NUP98: variants seen among roughly 807,000 people sequenced by gnomAD.
NUP98 encodes the protein nuclear pore complex protein Nup98-Nup96.
A neutral mutation model predicts 191.9 loss-of-function variants in NUP98; 26 were observed. That is an observed-to-expected ratio of 0.14 (90% CI 0.10 to 0.19). NUP98 has a LOEUF of 0.19. NUP98 is among the 10% of genes least tolerant of loss of function. The pLI, the probability that NUP98 is intolerant of heterozygous loss-of-function variation, is 1.00. For missense variants in NUP98, 1,941 were observed against 2,178.8 expected, an observed-to-expected ratio of 0.89 and a Z score of 2.17; for synonymous variants, 808 against 778.4, an observed-to-expected ratio of 1.04 and a Z score of -0.63.
intron 18 of NUP98, among the ~76,000 whole-genome samples, chr11:3,718,591 GA>G (rs1264601300): frequency 6.6e-6 from 1 of 152,052 alleles, no homozygotes; most frequent in Non-Finnish European, 1.5e-5. Flanking sequence ...AAAAGAAGCG[GA>G]AGGGGAAAGG....
intron 20 of NUP98, among the ~76,000 whole-genome samples, chr11:3,707,661 G>C (rs1429382694): frequency 3.4e-5 from 5 of 146,212 alleles, no homozygotes; most frequent in Non-Finnish European, 5.9e-5. Context: ...CCAGCTACTC[G>C]GGAGGCAATG....
chr11:3,787,973 G>A (rs1485282341), intron 1 of NUP98, among the ~76,000 whole-genome samples: 11 of 151,932 alleles, frequency 7.2e-5, no homozygotes, highest in Admixed American at 2.0e-4. Flanking sequence ...GCCTGGCGAC[G>A]GAGCCAGAGT....
In NUP98 at chr11:3,792,399, C is replaced by G. The variant is rs563172097; in HGVS notation, c.-29+5001G>C. Among the ~76,000 whole-genome samples the G allele has an allele frequency of 6.5e-4, 99 of 152,152 alleles. 2 individuals carry two copies. The South Asian group carries it at 0.02, about 30-fold the overall frequency. ...CCGAGACGGGAAGATCACTTGATGT[C>G]AGGAGTTCCAGACCAGCCATGGTCA... is the stretch of plus-strand genomic sequence containing the variant. On this transcript the variant is annotated intron_variant, in intron 1 of 32. Coordinates refer to ENST00000324932, the MANE Select transcript of NUP98 (RefSeq NM_016320.5).
At chr11:3,770,083 G>A (rs537841827) in intron 7 of NUP98, among the ~76,000 whole-genome samples, 47 of 150,120 alleles carry the variant, frequency 3.1e-4, no homozygotes, top group African/African-American at 9.6e-4. Context: ...CATGGCTCAC[G>A]CCTATAATCC....
chr11:3,760,748 TAAAAAAGGTAG>T (rs1461551129), intron 9 of NUP98, 122 bp from the exon 10 acceptor site: 9 of 653,732 alleles, frequency 1.4e-5, no homozygotes, highest in African/African-American at 9.1e-5. Context: ...CTAACATTCA[TAAAAAAGGTAG>T]AAAAAAGATG....
At chr11:3,786,073 T>C (rs1441464318) in intron 1 of NUP98, among the ~76,000 whole-genome samples, 2 of 152,190 alleles carry the variant, frequency 1.3e-5, no homozygotes, top group Admixed American at 6.5e-5. Flanking sequence ...TCCAACGATG[T>C]AGGTATTTTT....
intron 16 of NUP98, 27 bp from the exon 17 acceptor site, chr11:3,720,852 G>GA (rs762750507): frequency 2.6e-3 from 1,563 of 597,534 alleles, no homozygotes; most frequent in Middle Eastern, 3.6e-3. Context: ...AAAAAAAACA[G>GA]AAAAAAAAAT....
chr11:3,712,912 C>T (rs529341543), intron 19 of NUP98, among the ~76,000 whole-genome samples, 184 bp from the exon 20 acceptor site: 1 of 152,334 alleles, frequency 6.6e-6, no homozygotes, highest in African/African-American at 2.4e-5. Context: ...TTGATGTATG[C>T]TCTAGTTGCT....
In NUP98 at chr11:3,700,665, A is replaced by G; in HGVS notation, c.3687T>C (p.Ile1229=). ...CTTTAACCCAATCTGCATAGTCATGAATGACAGCAACTCCCAGATTGGGGA... is the reference window on the plus strand; with the variant it reads ...CTTTAACCCAATCTGCATAGTCATGGATGACAGCAACTCCCAGATTGGGGA... ...LIVPNLGVAV[I]HDYADWVKEA... Residue 1229 remains isoleucine, a synonymous_variant, in exon 24 of 33, where the codon ATT becomes ATC. Transcript: ENST00000324932. 6.2e-7 allele frequency: 1 copy of G among 1,614,200 alleles called. No homozygotes were observed. The highest frequency in any genetic ancestry group is 8.5e-7 in the Non-Finnish European group (1 of 1,180,024).
At chr11:3,784,314 A>C (rs761286835) in intron 1 of NUP98, among the ~76,000 whole-genome samples, 36 of 151,326 alleles carry the variant, frequency 2.4e-4, no homozygotes, top group Non-Finnish European at 4.3e-4. Context: ...CTCTCTCCTG[A>C]AATTTCCTAG....
rs578259969 is a variant in NUP98, at chr11:3,699,928, T to C, written c.3743-580A>G. Among the ~76,000 whole-genome samples the C allele has an allele frequency of 5.3e-5, 8 of 152,292 alleles. No homozygotes were observed. In the East Asian group the frequency reaches 1.5e-3, roughly 29 times the overall value. On this transcript the variant is annotated intron_variant, in intron 24 of 32. Transcript: ENST00000324932. ...ATTAGATAACCCCTTTATCAAAGTA[T>C]TGATTCAGAAAAACATGGTCATGAT...
intron 12 of NUP98, among the ~76,000 whole-genome samples, chr11:3,737,281 A>G (rs1429160841): frequency 2.0e-5 from 3 of 151,566 alleles, no homozygotes; most frequent in African/African-American, 7.3e-5. Flanking sequence ...AAAGTCTCAC[A>G]ATGTTGTGGG....
At chr11:3,715,445 T>C (rs1035223109) in intron 18 of NUP98, among the ~76,000 whole-genome samples, 3 of 152,096 alleles carry the variant, frequency 2.0e-5, no homozygotes, top group African/African-American at 7.2e-5. Flanking sequence ...TTTTTTTTTT[T>C]CTAGTAACCA....
At chr11:3,758,821 G>A (rs1024628512) in intron 10 of NUP98, among the ~76,000 whole-genome samples, 7 of 152,032 alleles carry the variant, frequency 4.6e-5, no homozygotes, top group Non-Finnish European at 8.8e-5. Context: ...GAGAGAGACA[G>A]ACACCAAGTA....
chr11:3,742,699 CAAAAAAAAAAA>C (rs35895691), intron 12 of NUP98, among the ~76,000 whole-genome samples: 4 of 82,888 alleles, frequency 4.8e-5, no homozygotes, highest in East Asian at 7.5e-4. Context: ...ACTCTGTCTC[CAAAAAAAAAAA>C]AAAAAAAAAG....
intron 14 of NUP98, among the ~76,000 whole-genome samples, chr11:3,726,607 T>C (rs2079628836): frequency 6.7e-6 from 1 of 149,770 alleles, no homozygotes; most frequent in South Asian, 2.1e-4. Flanking sequence ...AATGAATACA[T>C]ATTACAAAAA....
chr11:3,702,280 GACACACACACACACAC>G (rs537147629), intron 23 of NUP98, among the ~76,000 whole-genome samples, 167 bp downstream of exon 23: 2 of 108,570 alleles, frequency 1.8e-5, no homozygotes, highest in African/African-American at 4.0e-5. Context: ...GCAAAACTGA[GACACACACACACACAC>G]ACACACACAC....
intron 31 of NUP98, among the ~76,000 whole-genome samples, chr11:3,679,144 A>AC (rs2077911377): frequency 6.7e-6 from 1 of 148,152 alleles, no homozygotes; most frequent in African/African-American, 2.5e-5. Context: ...AAAAAAAAAA[A>AC]CTGACCGAAG....
chr11:3,709,908 G>A (rs2078982922), intron 20 of NUP98, among the ~76,000 whole-genome samples: 1 of 145,822 alleles, frequency 6.9e-6, no homozygotes, highest in Admixed American at 7.0e-5. Flanking sequence ...CAGCAGCATG[G>A]CACATGTATA....
Sources: gnomAD v4.1 joint callset for allele counts (sites outside exome capture counted in the v4.1 genomes callset) on GRCh38, gnomAD v4.1.1 for gene constraint, MANE v1.5 for transcripts, NCBI Gene and HGNC (gene_info 2026-07-23, HGNC 2026-07-21) for gene names.